SH3GLB2: variants seen among roughly 807,000 people sequenced by gnomAD.
SH3GLB2 encodes SH3 domain containing GRB2 like, endophilin B2, also known as endophilin-B2.
SH3GLB2 carries 24 observed loss-of-function variants against 48.0 expected under a neutral mutation model. That is an observed-to-expected ratio of 0.50 (90% CI 0.36 to 0.70). The LOEUF (loss-of-function observed/expected upper bound fraction) is 0.70, where lower values mean the gene tolerates loss of function less well. Among genes scored for constraint, SH3GLB2 ranks in the 30% least tolerant of loss-of-function variants. SH3GLB2 has a pLI of 0.00. For missense variants in SH3GLB2, 425 were observed against 516.0 expected, an observed-to-expected ratio of 0.82 and a Z score of 1.71; for synonymous variants, 227 against 207.6, an observed-to-expected ratio of 1.09 and a Z score of -0.80.
rs1412943124 is a variant in SH3GLB2, at chr9:129,028,188, G to A, written c.-34C>T. 1.5e-6 allele frequency: 2 copies of A among 1,320,040 alleles called. No individual in the cohort carries two copies. Among genetic ancestry groups the A allele is most frequent in the Non-Finnish European group, 1.9e-6 (2 of 1,029,564 alleles). The allele number at this position is 1,320,040 out of a possible 1,614,324, so 81.8% of individuals were successfully genotyped here. On this transcript the variant is annotated 5_prime_UTR_variant, in exon 1 of 11. Transcript: ENST00000372564. ...CGCACGGCCGCCGCGCACGGCCCGA[G>A]CGCAGCCGGCAGCCCCCGGCCCAGC...
chr9:129,012,981 C>T, intron 5 of SH3GLB2: 2 of 1,551,030 alleles, frequency 1.3e-6, no homozygotes, highest in Non-Finnish European at 1.7e-6. Flanking sequence ...CCGGAAGCAG[C>T]ACAGCGCGTG....
At chr9:129,018,386 G>A (rs577114177) in intron 3 of SH3GLB2, among the ~76,000 whole-genome samples, 45 of 151,900 alleles carry the variant, frequency 3.0e-4, no homozygotes, top group Admixed American at 1.6e-3. Flanking sequence ...GACCAGCCTG[G>A]CCAACATGGT....
chr9:129,009,047 G>A (rs1246851752), intron 10 of SH3GLB2, 59 bp downstream of exon 10: 1 of 1,596,398 alleles, frequency 6.3e-7, no homozygotes, highest in Non-Finnish European at 8.5e-7. Flanking sequence ...CCTGATCCCA[G>A]TGCCCAGGCT....
intron 3 of SH3GLB2, among the ~76,000 whole-genome samples, chr9:129,017,326 G>T (rs1456878990): frequency 1.3e-5 from 2 of 152,034 alleles, no homozygotes; most frequent in Non-Finnish European, 2.9e-5. Flanking sequence ...ACTATTAACC[G>T]ATGTGGCCTC....
chr9:129,008,710 C>T lies in SH3GLB2; in HGVS notation c.1162G>A (p.Val388Ile). The T allele has an allele frequency of 6.2e-7, 1 of 1,614,128 alleles. No individual in the cohort carries two copies. The highest frequency in any genetic ancestry group is 8.5e-7 in the Non-Finnish European group (1 of 1,179,978). ...ERGNKKGKVPVTYLELLS is the reference protein window; with the variant it reads ...ERGNKKGKVPITYLELLS ...TAGCTGAGCAGTTCCAAGTAGGTGA[C>T]AGGGACCTTGCCCTTCTTGTTGCCT... Residue 388 changes from valine (V) to isoleucine (I), a missense_variant, in exon 11 of 11, where the codon GTC becomes ATC. Val to Ile is a conservative substitution (Grantham distance 29, BLOSUM62 3). Transcript: ENST00000372564.
intron 3 of SH3GLB2, among the ~76,000 whole-genome samples, chr9:129,017,993 T>C (rs1301959224): frequency 2.0e-5 from 3 of 150,170 alleles, no homozygotes; most frequent in Non-Finnish European, 2.9e-5. Flanking sequence ...GCTGAGAGGC[T>C]GAGGTGGAGG....
chr9:129,024,145 G>A (rs1033268820), intron 1 of SH3GLB2, among the ~76,000 whole-genome samples: 1 of 151,716 alleles, frequency 6.6e-6, no homozygotes, highest in Admixed American at 6.6e-5. Flanking sequence ...GCCTTGGCTA[G>A]GTGCAGTGGC....
chr9:129,023,724 AATTAT>A (rs1440386587), intron 1 of SH3GLB2, among the ~76,000 whole-genome samples: 2 of 151,892 alleles, frequency 1.3e-5, no homozygotes, highest in African/African-American at 4.8e-5. Context: ...AGCAGCCATC[AATTAT>A]GTAGCAGAGC....
chr9:129,010,793 G>GC (rs991295594), intron 6 of SH3GLB2, 100 bp from the exon 7 acceptor site: 21 of 1,414,806 alleles, frequency 1.5e-5, no homozygotes, highest in African/African-American at 2.8e-5. Context: ...CTCAACTTCT[G>GC]CCCCCCTGCC....
chr9:129,018,305 C>T (rs562017320), intron 3 of SH3GLB2, among the ~76,000 whole-genome samples: 37 of 152,284 alleles, frequency 2.4e-4, no homozygotes, highest in African/African-American at 6.7e-4. Context: ...TGGCTGGGCG[C>T]AGTGGCTCAC....
chr9:129,014,546 T>A lies in SH3GLB2; in HGVS notation c.469-43A>T. 6.5e-7 allele frequency: 1 copy of A among 1,539,874 alleles called. No homozygotes were observed. Among genetic ancestry groups the A allele is most frequent in the Non-Finnish European group, 8.8e-7 (1 of 1,136,338 alleles). ...GGGACAGTGAGACCCTGGGCTGCCC[T>A]GGGAGACCCTGAGCCATGCATGGCA... On this transcript the variant is annotated intron_variant, in intron 4 of 10. Transcript: ENST00000372564. The surrounding 1 kb of genome is among the most constrained non-coding windows in gnomAD (Gnocchi z 4.1).
Position 129,012,373 on chromosome 9 carries a change from CCA to C in SH3GLB2, c.562-77_562-76del, listed in dbSNP as rs1313010474. ...CCAGGGTCGAGGTCAGGAGGCTACC[CCA>C]GAGTCTTGCACAAGGAGATGCCAAG... On this transcript the variant is annotated intron_variant, in intron 5 of 10. Transcript: ENST00000372564. 3.1e-6 allele frequency: 3 copies of C among 976,280 alleles called. No homozygotes were observed. In the African/African-American group the frequency reaches 5.1e-5, roughly 17 times the overall value. The allele number at this position is 976,280 out of a possible 1,614,324, so 60.5% of individuals were successfully genotyped here. A position where few individuals can be genotyped will look rare whatever the true frequency, so the allele number is the denominator to read the frequency against.
intron 2 of SH3GLB2, 148 bp from the exon 3 acceptor site, chr9:129,021,367 C>G: frequency 2.0e-6 from 2 of 998,708 alleles, no homozygotes; most frequent in East Asian, 5.4e-5. Context: ...AACCCTGAGA[C>G]TGTTGTGATT....
At chr9:129,020,614 T>A (rs188974680) in intron 3 of SH3GLB2, among the ~76,000 whole-genome samples, 1 of 150,674 alleles carries the variant, frequency 6.6e-6, no homozygotes, top group African/African-American at 2.4e-5. Context: ...ACGCCTGTAA[T>A]CCCAGCAGTT....
Position 129,025,341 on chromosome 9 carries a change from T to A in SH3GLB2, c.63+2751A>T, listed in dbSNP as rs186086176. 2.3e-3 allele frequency among the ~76,000 whole-genome samples: 350 copies of A among 150,102 alleles called. 2 individuals carry two copies. The highest frequency in any genetic ancestry group is 8.0e-3 in the African/African-American group (328 of 40,748). ...ACTTTGGGAGGCCGAGGCAGGAGGA[T>A]CACTTGAGCCCAGGAGTTTGAGACC... On this transcript the variant is annotated intron_variant, in intron 1 of 10. Coordinates refer to ENST00000372564, the MANE Select transcript of SH3GLB2 (RefSeq NM_020145.4).
chr9:129,021,095 G>A lies in SH3GLB2; in HGVS notation c.330C>T (p.Pro110=), dbSNP rs200683577. The change falls in exon 3 of 11, where the codon CCC becomes CCT. Residue 110 remains proline (P), a synonymous_variant. Coordinates refer to ENST00000372564, the MANE Select transcript of SH3GLB2 (RefSeq NM_020145.4). ...CTGGCTGTGAGGCCTGCTCACCATA[G>A]GGGGTGGTCGGCCCCAGCTCACTGG... ...DAASELGPTT[P]YGKTLIKVAE... 4.4e-6 allele frequency: 7 copies of A among 1,607,588 alleles called. No homozygotes were observed. The East Asian group carries it at 1.3e-4, about 31-fold the overall frequency.
intron 8 of SH3GLB2, 109 bp downstream of exon 8, chr9:129,010,011 G>A: frequency 1.4e-6 from 2 of 1,384,030 alleles, no homozygotes; most frequent in South Asian, 2.4e-5. Flanking sequence ...TCCCCGGTGG[G>A]ACTTGCTCTG....
chr9:129,020,230 A>T (rs1843700780), intron 3 of SH3GLB2, among the ~76,000 whole-genome samples: 1 of 149,896 alleles, frequency 6.7e-6, no homozygotes, highest in Admixed American at 6.7e-5. Context: ...AAAAAAAAAA[A>T]AAGTCAGGTT....
intron 1 of SH3GLB2, among the ~76,000 whole-genome samples, chr9:129,023,097 C>G (rs1325769883): frequency 6.6e-6 from 1 of 152,154 alleles, no homozygotes; most frequent in Non-Finnish European, 1.5e-5. Context: ...AAGGCTGGGT[C>G]GGCTACAGTG....
Sources: gnomAD v4.1 joint callset for allele counts (sites outside exome capture counted in the v4.1 genomes callset) on GRCh38, gnomAD v4.1.1 for gene constraint, Gnocchi (gnomAD v3.1) non-coding constraint, MANE v1.5 for transcripts, NCBI Gene and HGNC (gene_info 2026-07-23, HGNC 2026-07-21) for gene names.